HERPUD2: variants seen among roughly 807,000 people sequenced by gnomAD.
HERPUD2 encodes HERPUD family member 2.
In HERPUD2, 13 loss-of-function variants were observed where a neutral mutation model predicts 49.9. The observed-to-expected ratio is 0.26, with a 90% CI of 0.17 to 0.41. The LOEUF (loss-of-function observed/expected upper bound fraction) is 0.41, where lower values mean the gene tolerates loss of function less well. HERPUD2 is among the 10% of genes least tolerant of loss of function. The pLI is 1.00. For missense variants in HERPUD2, 449 were observed against 492.2 expected, an observed-to-expected ratio of 0.91 and a Z score of 0.83; for synonymous variants, 172 against 171.4, an observed-to-expected ratio of 1.00 and a Z score of -0.03.
chr7:35,662,668 G>T (rs1785449828), intron 5 of HERPUD2, among the ~76,000 whole-genome samples: 1 of 152,154 alleles, frequency 6.6e-6, no homozygotes, highest in Admixed American at 6.5e-5. Flanking sequence ...GCGTAGAGGT[G>T]TTTATAGTAC....
chr7:35,690,665 C>T (rs916809304), intron 2 of HERPUD2, among the ~76,000 whole-genome samples: 2 of 152,112 alleles, frequency 1.3e-5, no homozygotes, highest in Admixed American at 6.5e-5. Context: ...CAAAATTAGC[C>T]GGGCGTGGTG....
At chr7:35,659,874 T>A (rs1207643189) in intron 5 of HERPUD2, among the ~76,000 whole-genome samples, 1 of 152,140 alleles carries the variant, frequency 6.6e-6, no homozygotes, top group Non-Finnish European at 1.5e-5. Flanking sequence ...TCTTTATTTT[T>A]TTTATTCCTT....
intron 2 of HERPUD2, 28 bp downstream of exon 2, chr7:35,694,156 C>A (rs1377763154): frequency 1.9e-6 from 3 of 1,613,456 alleles, no homozygotes; most frequent in Non-Finnish European, 1.7e-6. Context: ...CTGGTCAGAG[C>A]AGCTGCCCCC....
chr7:35,673,854 A>G (rs1446780776), intron 2 of HERPUD2, among the ~76,000 whole-genome samples: 4 of 152,134 alleles, frequency 2.6e-5, no homozygotes, highest in African/African-American at 9.7e-5. Flanking sequence ...CACTATCACA[A>G]ATACCTTTGT....
chr7:35,668,320 T>C (rs1247130680), intron 4 of HERPUD2, among the ~76,000 whole-genome samples: 1 of 152,228 alleles, frequency 6.6e-6, no homozygotes, highest in African/African-American at 2.4e-5. Context: ...TTTATTCTCA[T>C]GCTCAAATCT....
At chr7:35,635,663 G>A (rs1784860307) in intron 6 of HERPUD2, among the ~76,000 whole-genome samples, 1 of 152,114 alleles carries the variant, frequency 6.6e-6, no homozygotes, top group East Asian at 1.9e-4. Context: ...AGGAAAGGAT[G>A]TTCTCTCAGC....
At chr7:35,638,592 G>A in intron 5 of HERPUD2, 120 bp from the exon 6 acceptor site, 2 of 1,000,010 alleles carry the variant, frequency 2.0e-6, no homozygotes, top group South Asian at 2.0e-5. Context: ...TCACTGAAAA[G>A]AAAAATACTT....
At chr7:35,692,974 C>T (rs1378017399) in intron 2 of HERPUD2, among the ~76,000 whole-genome samples, 2 of 152,178 alleles carry the variant, frequency 1.3e-5, no homozygotes, top group Non-Finnish European at 1.5e-5. Context: ...ATCCGACCCT[C>T]TTTATTAAAC....
intron 5 of HERPUD2, among the ~76,000 whole-genome samples, chr7:35,651,813 A>T (rs1583546415): frequency 1.3e-5 from 1 of 76,050 alleles, no homozygotes; most frequent in African/African-American, 3.2e-5. Flanking sequence ...TAAACAATAT[A>T]AAAAAAAATC....
rs765078899 is a variant in HERPUD2, at chr7:35,635,415, T to C, written c.661A>G (p.Thr221Ala). 3 of 1,614,108 alleles carry C rather than the reference T, an allele frequency of 1.9e-6. No individual in the cohort carries two copies. The highest frequency in any genetic ancestry group is 2.2e-5 in the South Asian group (2 of 91,084). Residue 221 changes from threonine to alanine, a missense_variant, in exon 7 of 9, where the codon ACC (threonine) becomes GCC (alanine). Transcript: ENST00000311350. ...SAQATSNVNPTQPTTSQPLNL... is the reference protein window; with the variant it reads ...SAQATSNVNPAQPTTSQPLNL... The stretch of plus-strand genomic sequence containing the variant: ...AGAGGCTGTGAAGTAGTAGGCTGGG[T>C]TGGGTTGACATTTGATGTGGCCTGA...
At chr7:35,692,852 TCTTC>T (rs932862322) in intron 2 of HERPUD2, among the ~76,000 whole-genome samples, 1 of 152,246 alleles carries the variant, frequency 6.6e-6, no homozygotes, top group Non-Finnish European at 1.5e-5. Flanking sequence ...AGATCAAGTG[TCTTC>T]CTTAACTTAG....
intron 2 of HERPUD2, among the ~76,000 whole-genome samples, chr7:35,673,667 A>G (rs1785690662): frequency 2.6e-5 from 4 of 152,178 alleles, no homozygotes; most frequent in Admixed American, 1.3e-4. Context: ...ACAGTAGGAT[A>G]AAATTTCGAT....
At chr7:35,641,023 A>T (rs1273960084) in intron 5 of HERPUD2, among the ~76,000 whole-genome samples, 4 of 152,138 alleles carry the variant, frequency 2.6e-5, no homozygotes, top group African/African-American at 9.7e-5. Flanking sequence ...CAGAAGAAAG[A>T]AGAAAAAAAA....
At chr7:35,645,366 G>A (rs1785033495) in intron 5 of HERPUD2, among the ~76,000 whole-genome samples, 1 of 152,104 alleles carries the variant, frequency 6.6e-6, no homozygotes, top group Non-Finnish European at 1.5e-5. Context: ...AGGACTGCTT[G>A]AGCCCAGGAG....
chr7:35,670,277 T>C lies in HERPUD2; in HGVS notation c.277A>G (p.Ser93Gly). ...CTATTGGTGCTGGATTTTGGAGAAC[T>C]GGGAGGAGTCCGAGAAGTACATACT... ...HLVCTSRTPP[S>G]SPKSSTNRES... The change falls in exon 4 of 9, where the codon AGT (serine) becomes GGT (glycine). Residue 93 changes from serine (S) to glycine (G), a missense_variant. Physicochemically the swap from Ser to Gly is moderately conservative, Grantham distance 56. Transcript: ENST00000311350. 6.3e-7 allele frequency: 1 copy of C among 1,590,958 alleles called. No individual in the cohort carries two copies. Among genetic ancestry groups the C allele is most frequent in the Non-Finnish European group, 8.6e-7 (1 of 1,166,928 alleles).
chr7:35,657,052 T>C (rs370038466), intron 5 of HERPUD2, among the ~76,000 whole-genome samples: 14 of 149,790 alleles, frequency 9.3e-5, no homozygotes, highest in African/African-American at 3.2e-4. Flanking sequence ...AATGAAGCAA[T>C]CAACAGAGTG....
chr7:35,672,626 G>T (rs1362996223), intron 3 of HERPUD2, among the ~76,000 whole-genome samples: 2 of 152,088 alleles, frequency 1.3e-5, no homozygotes, highest in Non-Finnish European at 2.9e-5. Flanking sequence ...ATGCTGAAAA[G>T]CTCTATAAGT....
At chr7:35,660,458 C>T (rs1197869098) in intron 5 of HERPUD2, among the ~76,000 whole-genome samples, 1 of 152,196 alleles carries the variant, frequency 6.6e-6, no homozygotes, top group African/African-American at 2.4e-5. Context: ...GCCACACTGT[C>T]TTCCACAATG....
At chr7:35,666,372 A>G (rs900569061) in intron 5 of HERPUD2, among the ~76,000 whole-genome samples, 2 of 152,198 alleles carry the variant, frequency 1.3e-5, no homozygotes, top group African/African-American at 4.8e-5. Context: ...CTGTATTAAT[A>G]ACTGAATTAA....
Sources: gnomAD v4.1 joint callset for allele counts (sites outside exome capture counted in the v4.1 genomes callset) on GRCh38, gnomAD v4.1.1 for gene constraint, MANE v1.5 for transcripts, NCBI Gene and HGNC (gene_info 2026-07-23, HGNC 2026-07-21) for gene names.